Variants in TYW1B observed in about 807,000 individuals in gnomAD.
TYW1B encodes tRNA-yW synthesizing protein 1 homolog B.
Under a neutral mutation model 86.9 loss-of-function variants are expected in TYW1B, and 73 were observed. That is an observed-to-expected ratio of 0.84 (90% CI 0.70 to 1.02). The LOEUF is 1.02. Among genes scored for constraint, TYW1B ranks in the 50% least tolerant of loss-of-function variants. The pLI, the probability that TYW1B is intolerant of heterozygous loss-of-function variation, is 0.00. For missense variants in TYW1B, 637 were observed against 827.4 expected (o/e 0.77, Z 2.82); for synonymous variants, 248 against 292.8 (o/e 0.85, Z 1.56).
intron 6 of TYW1B, among the ~76,000 whole-genome samples, chr7:72,799,469 G>C (rs1346476387): frequency 1.3e-5 from 2 of 149,492 alleles, no homozygotes; most frequent in African/African-American, 2.5e-5. Flanking sequence ...AGTCAGGTCT[G>C]CCTTTTTTTC....
rs73356420 is a variant in TYW1B, at chr7:72,708,825, G to C, written c.1370+4796C>G. ...TGAAAGAATTAGTTTAAAAGTAAAG[G>C]CTTTCTGAAGACTATCTTGTTGCAC... On this transcript the variant is annotated intron_variant, in intron 10 of 13. Transcript: ENST00000620995. Among the ~76,000 whole-genome samples, 1,086 of 152,180 alleles carry C rather than the reference G, an allele frequency of 7.1e-3. 15 individuals are homozygous for C. Among genetic ancestry groups the C allele is most frequent in the African/African-American group, 0.025 (1,024 of 41,530 alleles).
chr7:72,728,065 G>A (rs1787034997), intron 9 of TYW1B, among the ~76,000 whole-genome samples: 1 of 152,096 alleles, frequency 6.6e-6, no homozygotes, highest in African/African-American at 2.4e-5. Flanking sequence ...TTAGATGGAA[G>A]AAACTGTTAT....
At chr7:72,705,845 C>T (rs1258206052) in intron 10 of TYW1B, among the ~76,000 whole-genome samples, 2 of 152,152 alleles carry the variant, frequency 1.3e-5, no homozygotes, top group Admixed American at 1.3e-4. Context: ...TGCCTTACAA[C>T]ACGATGCCAT....
chr7:72,582,164 A>G (rs1227505747), intron 13 of TYW1B, among the ~76,000 whole-genome samples: 1 of 152,046 alleles, frequency 6.6e-6, no homozygotes, highest in African/African-American at 2.4e-5. Context: ...AAAGGAGAAA[A>G]AAAAAATAGA....
intron 11 of TYW1B, among the ~76,000 whole-genome samples, chr7:72,673,418 A>G (rs1255847375): frequency 6.6e-6 from 1 of 152,220 alleles, no homozygotes; most frequent in African/African-American, 2.4e-5. Context: ...CTATTCACCC[A>G]TAAAAAAAGA....
intron 12 of TYW1B, among the ~76,000 whole-genome samples, chr7:72,618,588 G>A (rs1382563133): frequency 6.6e-6 from 1 of 152,130 alleles, no homozygotes; most frequent in South Asian, 2.1e-4. Context: ...GGACTTGGAC[G>A]AAGACTCACA....
At chr7:72,798,056 T>C (rs1554474789) in intron 6 of TYW1B, among the ~76,000 whole-genome samples, 2 of 151,390 alleles carry the variant, frequency 1.3e-5, no homozygotes, top group Admixed American at 6.6e-5. Flanking sequence ...CATATATACA[T>C]GCATATTTAA....
chr7:72,688,678 C>T (rs1451393993), intron 11 of TYW1B, among the ~76,000 whole-genome samples: 1 of 152,176 alleles, frequency 6.6e-6, no homozygotes, highest in Non-Finnish European at 1.5e-5. Context: ...CCTTTAACTA[C>T]AATCCGTTGC....
intron 11 of TYW1B, among the ~76,000 whole-genome samples, chr7:72,674,311 C>G (rs1422423755): frequency 1.3e-5 from 2 of 152,070 alleles, no homozygotes; most frequent in Non-Finnish European, 2.9e-5. Context: ...CATGGTGTGA[C>G]ATTGTGGGCC....
intron 6 of TYW1B, among the ~76,000 whole-genome samples, chr7:72,788,904 C>CACT (rs1788173622): frequency 6.6e-6 from 1 of 151,640 alleles, no homozygotes; most frequent in African/African-American, 2.4e-5. Context: ...GATCATAGCT[C>CACT]ACTGCAGCCT....
At chr7:72,668,923 T>C (rs1425554276) in intron 11 of TYW1B, among the ~76,000 whole-genome samples, 1 of 152,062 alleles carries the variant, frequency 6.6e-6, no homozygotes, top group Non-Finnish European at 1.5e-5. Flanking sequence ...CCTGAAACTA[T>C]CTGTCTCCCA....
intron 7 of TYW1B, among the ~76,000 whole-genome samples, chr7:72,749,115 G>A (rs1554464386): frequency 6.6e-6 from 1 of 152,086 alleles, no homozygotes; most frequent in Admixed American, 6.6e-5. Flanking sequence ...AATGATTACA[G>A]GATTATTCCG....
intron 13 of TYW1B, among the ~76,000 whole-genome samples, chr7:72,603,126 ATGGATGGATAGATG>A (rs1554434159): frequency 4.0e-5 from 6 of 151,872 alleles, no homozygotes; most frequent in African/African-American, 7.3e-5. Context: ...GGATGGATGG[ATGGATGGATAGATG>A]GATGGACAGA....
At chr7:72,687,756 T>C (rs1280162219) in intron 11 of TYW1B, among the ~76,000 whole-genome samples, 2 of 152,032 alleles carry the variant, frequency 1.3e-5, no homozygotes, top group African/African-American at 2.4e-5. Context: ...ATATAAACTA[T>C]ATAAAAATAT....
intron 2 of TYW1B, among the ~76,000 whole-genome samples, chr7:72,816,457 A>G (rs1283842266): frequency 2.6e-5 from 4 of 152,238 alleles, no homozygotes; most frequent in Non-Finnish European, 4.4e-5. Context: ...ACAGACAGGA[A>G]AAAGCCCTAG....
At chr7:72,611,897 G>A (rs1382496515) in intron 13 of TYW1B, among the ~76,000 whole-genome samples, 1 of 152,130 alleles carries the variant, frequency 6.6e-6, no homozygotes. Context: ...AGCTCCTTGT[G>A]GGTGGGGAAA....
chr7:72,747,190 G>A (rs1223431835), intron 7 of TYW1B, among the ~76,000 whole-genome samples: 2 of 152,188 alleles, frequency 1.3e-5, no homozygotes, highest in Non-Finnish European at 2.9e-5. Context: ...GACCTGGGGA[G>A]GAACTGAATC....
intron 11 of TYW1B, among the ~76,000 whole-genome samples, chr7:72,663,812 G>C (rs1813396202): frequency 6.8e-6 from 1 of 146,580 alleles, no homozygotes; most frequent in Non-Finnish European, 1.5e-5. Context: ...CTTGTTAAGT[G>C]ACCTTAGTTC....
At chr7:72,656,727 T>C (rs1476165971) in intron 11 of TYW1B, among the ~76,000 whole-genome samples, 1 of 152,188 alleles carries the variant, frequency 6.6e-6, no homozygotes, top group African/African-American at 2.4e-5. Context: ...GACCTGCTTC[T>C]GGTGAGGCCT....
Sources: allele counts gnomAD v4.1 joint callset (sites outside exome capture counted in the v4.1 genomes callset), GRCh38; gene constraint gnomAD v4.1.1; transcripts MANE v1.5; gene names NCBI Gene and HGNC (gene_info 2026-07-23, HGNC 2026-07-21).